KCNJ15: variants seen among roughly 807,000 people sequenced by gnomAD.
KCNJ15 encodes potassium inwardly rectifying channel subfamily J member 15, also known as ATP-sensitive inward rectifier potassium channel 15.
KCNJ15 carries 14 observed loss-of-function variants against 23.0 expected under a neutral mutation model. The ratio of observed to expected loss-of-function variants is 0.61; its 90% CI spans 0.40 to 0.95. The LOEUF (loss-of-function observed/expected upper bound fraction) is 0.95. KCNJ15 is among the 40% of genes least tolerant of loss of function. The pLI is 0.00. For synonymous variants in KCNJ15, 185 were observed against 183.2 expected, an observed-to-expected ratio of 1.01 and a Z score of -0.08; for missense variants, 388 against 461.8, an observed-to-expected ratio of 0.84 and a Z score of 1.46.
intron 1 of KCNJ15, among the ~76,000 whole-genome samples, chr21:38,257,616 C>G (rs961480833): frequency 1.3e-5 from 2 of 152,172 alleles, no homozygotes; most frequent in African/African-American, 4.8e-5. Context: ...TGCCGTAAGG[C>G]GAAACCTCGC....
At chr21:38,292,638 G>A (rs1398869634) in intron 1 of KCNJ15, among the ~76,000 whole-genome samples, 1 of 152,006 alleles carries the variant, frequency 6.6e-6, no homozygotes, top group Non-Finnish European at 1.5e-5. Context: ...ATTCAGTGTT[G>A]AGTCATAGAC....
At chr21:38,242,579 C>G (rs906896546) in intron 1 of KCNJ15, among the ~76,000 whole-genome samples, 1 of 152,152 alleles carries the variant, frequency 6.6e-6, no homozygotes, top group Non-Finnish European at 1.5e-5. Flanking sequence ...CTATGAAGAT[C>G]GATAGGACGT....
At chr21:38,246,835 C>T (rs764153439) in intron 1 of KCNJ15, among the ~76,000 whole-genome samples, 2 of 152,206 alleles carry the variant, frequency 1.3e-5, no homozygotes, top group Non-Finnish European at 2.9e-5. Flanking sequence ...GCAAATTTAA[C>T]ATCAGGGATT....
chr21:38,292,884 G>A lies in KCNJ15; in HGVS notation c.-116-4042G>A, dbSNP rs368426555. 1.3e-4 allele frequency among the ~76,000 whole-genome samples: 20 copies of A among 150,756 alleles called. 1 individual carries two copies. In the East Asian group the frequency reaches 3.0e-3, roughly 22 times the overall value. The stretch of plus-strand genomic sequence containing the variant: ...CTTGGAAGGCTGAGGCAGGAGAGTC[G>A]CTTGAACCCAGGAGGCAGAGATTGC... On this transcript the variant is annotated intron_variant, in intron 1 of 2. Transcript: ENST00000398938.
rs550247030 is a variant in KCNJ15, at chr21:38,238,427, A to G, written c.-398-18619A>G. The G allele has an allele frequency of 8.7e-5, 59 of 679,156 alleles. No individual in the cohort carries two copies. The East Asian group carries it at 1.9e-3, about 21-fold the overall frequency. 42.1% of individuals were successfully genotyped at this position (679,156 alleles called of 1,614,324 possible). ...TTAGGAATGTAGACAGGGTGGACGC[A>G]CTGCACCAGAACTTTGGTGTCCTTG... is the stretch of plus-strand genomic sequence containing the variant. On this transcript the variant is annotated intron_variant, in intron 1 of 4. Coordinates refer to the KCNJ15 transcript ENST00000547341.
chr21:38,236,650 C>T (rs536749187), intron 1 of KCNJ15, among the ~76,000 whole-genome samples: 14 of 152,290 alleles, frequency 9.2e-5, no homozygotes, highest in East Asian at 7.7e-4. Context: ...AACAGGCTCT[C>T]CCTGTGAATT....
upstream of KCNJ15, among the ~76,000 whole-genome samples, chr21:38,256,172 C>G (rs1004802696): frequency 6.6e-6 from 1 of 151,810 alleles, no homozygotes; most frequent in African/African-American, 2.4e-5. Context: ...ACCCCATTCC[C>G]GAAAGAAGCT....
At chr21:38,268,124 G>T (rs560920189) in intron 1 of KCNJ15, among the ~76,000 whole-genome samples, 8 of 152,326 alleles carry the variant, frequency 5.3e-5, no homozygotes, top group Non-Finnish European at 8.8e-5. Context: ...AGATAATGCA[G>T]TTATTTGCTA....
Position 38,300,776 on chromosome 21 carries a change from C to T in KCNJ15, c.*387C>T. The T allele has an allele frequency of 5.5e-6, 1 of 182,530 alleles. No homozygotes were observed. 11.3% of individuals were successfully genotyped at this position (182,530 alleles called of 1,614,324 possible). On this transcript the variant is annotated 3_prime_UTR_variant, in exon 3 of 3. Transcript: ENST00000398938. ...ACAAGATATTTATTTAACCAATGACCTTATGGCTGAGAGTTGAATTGTGGT... is the reference window on the plus strand; with the variant it reads ...ACAAGATATTTATTTAACCAATGACTTTATGGCTGAGAGTTGAATTGTGGT...
intron 1 of KCNJ15, among the ~76,000 whole-genome samples, chr21:38,245,052 T>C (rs1407503735): frequency 2.0e-5 from 3 of 151,936 alleles, no homozygotes; most frequent in Non-Finnish European, 4.4e-5. Context: ...GTGCAGGAAA[T>C]GGCACAGACA....
upstream of KCNJ15, among the ~76,000 whole-genome samples, chr21:38,253,372 A>G (rs1979968583): frequency 6.6e-6 from 1 of 152,160 alleles, no homozygotes; most frequent in African/African-American, 2.4e-5. Flanking sequence ...AGGTCTGGAA[A>G]TGGGTACACA....
At chr21:38,257,769 CTG>C (rs1568990713) in intron 1 of KCNJ15, among the ~76,000 whole-genome samples, 2 of 152,176 alleles carry the variant, frequency 1.3e-5, no homozygotes, top group African/African-American at 4.8e-5. Context: ...GTTTTTTAAT[CTG>C]TGTATAATTT....
chr21:38,245,605 AAGG>A (rs1489071773), intron 1 of KCNJ15, among the ~76,000 whole-genome samples: 16 of 151,662 alleles, frequency 1.1e-4, no homozygotes, highest in Admixed American at 1.1e-3. Flanking sequence ...GAAAGAAAGA[AAGG>A]AGGGAAGGAA....
chr21:38,259,027 G>A lies in KCNJ15; in HGVS notation c.-117+1842G>A, dbSNP rs1487946260. Among the ~76,000 whole-genome samples, 4 of 152,018 alleles carry A rather than the reference G, an allele frequency of 2.6e-5. No individual in the cohort carries two copies. The East Asian group carries it at 5.8e-4, about 22-fold the overall frequency. On this transcript the variant is annotated intron_variant, in intron 1 of 2. Coordinates refer to ENST00000398938, the MANE Select transcript of KCNJ15 (RefSeq NM_170736.3). ...GGCGTGTGTGTGTGTGTGTGTGCGC[G>A]TGTGTGTGGTGTGTGCAATTATATA...
chr21:38,270,255 G>T (rs1009016706), intron 1 of KCNJ15, among the ~76,000 whole-genome samples: 1 of 152,034 alleles, frequency 6.6e-6, no homozygotes, highest in Non-Finnish European at 1.5e-5. Context: ...TGATTCATTC[G>T]GTGTTGGTGT....
chr21:38,240,366 G>T (rs1277981898), intron 1 of KCNJ15, among the ~76,000 whole-genome samples: 1 of 152,188 alleles, frequency 6.6e-6, no homozygotes, highest in Non-Finnish European at 1.5e-5. Flanking sequence ...GATTGGAAAT[G>T]GTTAAAAAGT....
chr21:38,237,789 G>A (rs1418429215), intron 1 of KCNJ15, among the ~76,000 whole-genome samples: 1 of 152,208 alleles, frequency 6.6e-6, no homozygotes, highest in Non-Finnish European at 1.5e-5. Context: ...AAAGCTTGAA[G>A]GAGCAAGAGG....
Position 38,302,769 on chromosome 21 carries a change from G to A in KCNJ15, c.*2380G>A, listed in dbSNP as rs564626219. 3.3e-5 allele frequency: 5 copies of A among 152,182 alleles called. No individual in the cohort carries two copies. The East Asian group carries it at 5.8e-4, about 18-fold the overall frequency. 9.4% of individuals were successfully genotyped at this position (152,182 alleles called of 1,614,324 possible). A position where few individuals can be genotyped will look rare whatever the true frequency, so the allele number is the denominator to read the frequency against. On this transcript the variant is annotated 3_prime_UTR_variant, in exon 3 of 3. Coordinates refer to ENST00000398938, the MANE Select transcript of KCNJ15 (RefSeq NM_170736.3). ...TTTATATTGTATATGGTACAAGGACGTAGCATAAGATCCAAAAAAAATTTT... is the reference window on the plus strand; with the variant it reads ...TTTATATTGTATATGGTACAAGGACATAGCATAAGATCCAAAAAAAATTTT...
At position 38,300,363 on chromosome 21, in the gene KCNJ15, CTT is replaced by C; in HGVS notation, c.1105_1106del (p.Leu369IlefsTer39). The C allele has an allele frequency of 6.2e-7, 1 of 1,612,562 alleles. No individual in the cohort carries two copies. Among genetic ancestry groups the C allele is most frequent in the Non-Finnish European group, 8.5e-7 (1 of 1,179,122 alleles). On this transcript the variant is annotated frameshift_variant, in exon 3 of 3. Transcript: ENST00000398938. LOFTEE classifies it high-confidence loss of function. ...TCAGAGGGAAAGAGAACTGAGGACA[CTT>C]TTATTACAACAGAGCAATGTCTGAT... ...EDQRERELRT[L>X]LLQQSNV
Sources: allele counts gnomAD v4.1 joint callset (sites outside exome capture counted in the v4.1 genomes callset), GRCh38; gene constraint gnomAD v4.1.1; transcripts MANE v1.5; gene names NCBI Gene and HGNC (gene_info 2026-07-23, HGNC 2026-07-21).